Variants in IL1R1 observed in about 807,000 individuals in gnomAD.
The protein encoded by IL1R1 is interleukin-1 receptor type 1.
A neutral mutation model predicts 50.2 loss-of-function variants in IL1R1; 22 were observed. The observed-to-expected ratio is 0.44, with a 90% CI of 0.31 to 0.63. The LOEUF is 0.63. Ranked by LOEUF, IL1R1 falls within the 20% of genes least tolerant of loss-of-function variation. IL1R1 has a pLI of 0.07. For missense variants in IL1R1, 509 were observed against 676.2 expected (o/e 0.75, Z 2.74); for synonymous variants, 251 against 236.7 (o/e 1.06, Z -0.55).
In IL1R1 at chr2:102,131,081, A is replaced by C. The variant is rs1046638788; in HGVS notation, c.-83-22860A>C. ...TAAAAGATTAGATGAAATAGTGGAC[A>C]GGAGGAGGAATAATTCCTATTCTCA... On this transcript the variant is annotated intron_variant, in intron 1 of 10. Coordinates refer to the IL1R1 transcript ENST00000409329. 8.5e-5 allele frequency among the ~76,000 whole-genome samples: 13 copies of C among 152,202 alleles called. No individual in the cohort carries two copies. The South Asian group carries it at 2.7e-3, about 31-fold the overall frequency.
At chr2:102,129,062 T>A (rs1002745263) in intron 1 of IL1R1, among the ~76,000 whole-genome samples, 5 of 151,960 alleles carry the variant, frequency 3.3e-5, no homozygotes, top group Non-Finnish European at 5.9e-5. Context: ...AAACAATAAA[T>A]AAGCTGGGTG....
At chr2:102,126,339 G>A (rs1028162422) in intron 1 of IL1R1, among the ~76,000 whole-genome samples, 1 of 152,208 alleles carries the variant, frequency 6.6e-6, no homozygotes, top group Non-Finnish European at 1.5e-5. Context: ...TGCCTCGCTG[G>A]AGAGCCAAAT....
In IL1R1 at chr2:102,172,680, C is replaced by CTA; in HGVS notation, c.840-7_840-6insTA. The stretch of plus-strand genomic sequence containing the variant: ...ACACAAGTTTATTTACTCTCTCTCT[C>CTA]GAATAGTGTGGAAAATCCTGCAAAC... On this transcript the variant is annotated splice_region_variant and splice_polypyrimidine_tract_variant and intron_variant, in intron 8 of 11. Transcript: ENST00000410023. 6.2e-7 allele frequency: 1 copy of CTA among 1,600,336 alleles called. No individual in the cohort carries two copies. Among genetic ancestry groups the CTA allele is most frequent in the Non-Finnish European group, 8.5e-7 (1 of 1,172,302 alleles).
chr2:102,109,394 C>G (rs925456712), intron 1 of IL1R1, among the ~76,000 whole-genome samples: 8 of 149,292 alleles, frequency 5.4e-5, no homozygotes, highest in African/African-American at 1.8e-4. Flanking sequence ...TCCAGACAAG[C>G]TGAGACCCTG....
At chr2:102,153,687 T>C (rs1221354230) in intron 1 of IL1R1, among the ~76,000 whole-genome samples, 1 of 152,180 alleles carries the variant, frequency 6.6e-6, no homozygotes, top group Non-Finnish European at 1.5e-5. Flanking sequence ...CTTCCCCCCT[T>C]GCTCTCTCTC....
intron 1 of IL1R1, among the ~76,000 whole-genome samples, chr2:102,073,952 G>A (rs574417153): frequency 1.3e-3 from 196 of 152,290 alleles, no homozygotes; most frequent in Admixed American, 2.9e-3. Flanking sequence ...AACAGGTCGA[G>A]GGACTTATTC....
rs779843024 is a variant in IL1R1 at position 102,176,590 on chromosome 2, G to A, written c.1541G>A (p.Arg514His). 10 of 1,614,036 alleles carry A rather than the reference G, an allele frequency of 6.2e-6. No homozygotes were observed. Among genetic ancestry groups the A allele is most frequent in the Non-Finnish European group, 8.5e-6 (10 of 1,180,032 alleles). ...KFIKQKHGAI[R>H]WSGDFTQGPQ... ...ATTAAGCAGAAACATGGGGCTATCC[G>A]CTGGTCAGGGGACTTTACACAGGGA... Residue 514 changes from arginine to histidine, a missense_variant, in exon 12 of 12, where the codon CGC becomes CAC. Arg to His is a conservative substitution (Grantham distance 29). Coordinates refer to ENST00000410023, the MANE Select transcript of IL1R1 (RefSeq NM_000877.4).
At chr2:102,082,589 G>C (rs1679260912) in intron 1 of IL1R1, among the ~76,000 whole-genome samples, 1 of 152,050 alleles carries the variant, frequency 6.6e-6, no homozygotes. Context: ...CGGAAGTAGT[G>C]GTTTTCTTGA....
At chr2:102,107,147 T>C (rs572288505) in intron 1 of IL1R1, among the ~76,000 whole-genome samples, 1 of 152,308 alleles carries the variant, frequency 6.6e-6, no homozygotes, top group South Asian at 2.1e-4. Context: ...CTCATCAGCA[T>C]TGGGTTTTAT....
chr2:102,108,602 G>A (rs1680560506), intron 1 of IL1R1, among the ~76,000 whole-genome samples: 1 of 151,864 alleles, frequency 6.6e-6, no homozygotes, highest in Non-Finnish European at 1.5e-5. Context: ...CAGTTCTGTG[G>A]AGAAAAGAAT....
At chr2:102,090,855 T>A (rs949386284) in intron 1 of IL1R1, among the ~76,000 whole-genome samples, 1 of 152,244 alleles carries the variant, frequency 6.6e-6, no homozygotes, top group Non-Finnish European at 1.5e-5. Context: ...GTCTCTGTGG[T>A]AAATTTTTAA....
Position 102,179,330 on chromosome 2 carries a change from A to G in IL1R1, c.*2571A>G, listed in dbSNP as rs1385226721. The G allele has an allele frequency of 6.6e-6, 1 of 152,328 alleles. No homozygotes were observed. Among genetic ancestry groups the G allele is most frequent in the Non-Finnish European group, 1.5e-5 (1 of 68,050 alleles). 9.4% of individuals were successfully genotyped at this position (152,328 alleles called of 1,614,324 possible). A position where few individuals can be genotyped will look rare whatever the true frequency, so the allele number is the denominator to read the frequency against. On this transcript the variant is annotated 3_prime_UTR_variant, in exon 12 of 12. Transcript: ENST00000410023. ...TGGCAGCTGGAATTTAAGGAGGGAC[A>G]AGAATCAATGGATAAGCGTGGGTGG... is the stretch of plus-strand genomic sequence containing the variant.
upstream of IL1R1, among the ~76,000 whole-genome samples, chr2:102,138,302 G>A (rs999097554): frequency 3.3e-5 from 5 of 152,208 alleles, no homozygotes; most frequent in Non-Finnish European, 7.3e-5. Context: ...ATTAACATGG[G>A]AAAAACCAGG....
In IL1R1 at chr2:102,076,237, G is replaced by A. The variant is rs148662441; in HGVS notation, c.-84+5704G>A. 4.8e-3 allele frequency among the ~76,000 whole-genome samples: 718 copies of A among 150,302 alleles called. 4 individuals carry two copies. The highest frequency in any genetic ancestry group is 0.017 in the African/African-American group (693 of 40,834). ...CTGTCGCCTAGGCTGGAATGCAGTG[G>A]TGTGATCTCGGCTCACTGCAAGCTC... On this transcript the variant is annotated intron_variant, in intron 1 of 11. Transcript: ENST00000409929.
intron 1 of IL1R1, among the ~76,000 whole-genome samples, chr2:102,105,484 C>T (rs1037326151): frequency 6.6e-6 from 1 of 152,172 alleles, no homozygotes; most frequent in Non-Finnish European, 1.5e-5. Context: ...CCTGCCTCAG[C>T]CTCCCGAGTA....
chr2:102,091,898 C>A (rs1259523708), intron 1 of IL1R1, among the ~76,000 whole-genome samples: 2 of 152,166 alleles, frequency 1.3e-5, no homozygotes, highest in African/African-American at 4.8e-5. Context: ...CTGTGTCTGC[C>A]TTGTTCCACT....
At chr2:102,114,191 G>A (rs777331014) in intron 1 of IL1R1, among the ~76,000 whole-genome samples, 9 of 152,168 alleles carry the variant, frequency 5.9e-5, no homozygotes, top group Non-Finnish European at 1.3e-4. Context: ...TTACTGAAAT[G>A]ATCAGTATGT....
chr2:102,122,202 C>T (rs539537062), intron 1 of IL1R1, among the ~76,000 whole-genome samples: 81 of 152,252 alleles, frequency 5.3e-4, no homozygotes, highest in African/African-American at 1.9e-3. Context: ...ACATACTGGT[C>T]AGTAAATAAG....
chr2:102,077,555 T>A (rs903294709), intron 1 of IL1R1, among the ~76,000 whole-genome samples: 4 of 152,238 alleles, frequency 2.6e-5, no homozygotes, highest in African/African-American at 9.6e-5. Flanking sequence ...AGAATAGTCA[T>A]AATAAATGTT....
Sources: gnomAD v4.1 joint callset for allele counts (sites outside exome capture counted in the v4.1 genomes callset) on GRCh38, gnomAD v4.1.1 for gene constraint, MANE v1.5 for transcripts, NCBI Gene and HGNC (gene_info 2026-07-23, HGNC 2026-07-21) for gene names.